The following UTRN variants were observed in gnomAD, a reference collection of about 807,000 sequenced individuals.
UTRN encodes the protein dystrophin-related protein 1.
Under a neutral mutation model 463.9 loss-of-function variants are expected in UTRN, and 283 were observed. That is an observed-to-expected ratio of 0.61 (90% CI 0.55 to 0.67). The LOEUF (loss-of-function observed/expected upper bound fraction) is 0.67, where lower values mean the gene tolerates loss of function less well. Ranked by LOEUF, UTRN falls within the 30% of genes least tolerant of loss-of-function variation. The pLI is 0.00. For synonymous variants in UTRN, 1,442 were observed against 1,431.5 expected, an observed-to-expected ratio of 1.01 and a Z score of -0.17; for missense variants, 3,922 against 4,084.3, an observed-to-expected ratio of 0.96 and a Z score of 1.08.
At chr6:144,720,756 G>A (rs552167891) in intron 53 of UTRN, among the ~76,000 whole-genome samples, 9 of 152,150 alleles carry the variant, frequency 5.9e-5, no homozygotes, top group South Asian at 4.2e-4. Flanking sequence ...CACAGCTCAT[G>A]TGTGTTTGAG....
chr6:144,726,733 C>G (rs958584253), intron 53 of UTRN, among the ~76,000 whole-genome samples: 2 of 152,084 alleles, frequency 1.3e-5, no homozygotes, highest in Admixed American at 1.3e-4. Context: ...GCCTCACCTT[C>G]TAGACAGCCT....
chr6:144,326,306 GT>G (rs887254864), intron 2 of UTRN, among the ~76,000 whole-genome samples: 37 of 144,532 alleles, frequency 2.6e-4, no homozygotes, highest in Admixed American at 5.5e-4. Context: ...TGGTCCCTTA[GT>G]TTTTTTTTTT....
chr6:144,323,622 A>G (rs1025990592), intron 2 of UTRN, among the ~76,000 whole-genome samples: 4 of 152,248 alleles, frequency 2.6e-5, no homozygotes, highest in Non-Finnish European at 5.9e-5. Flanking sequence ...TTTAAAGAAA[A>G]TAAAAGAACA....
chr6:144,666,775 T>C (rs1780438166), intron 51 of UTRN, among the ~76,000 whole-genome samples: 1 of 152,192 alleles, frequency 6.6e-6, no homozygotes, highest in South Asian at 2.1e-4. Context: ...GAACATATGA[T>C]CACTGGTAGC....
At chr6:144,537,500 C>A in intron 43 of UTRN, 82 bp from the exon 44 acceptor site, 1 of 960,680 alleles carries the variant, frequency 1.0e-6, no homozygotes, top group Non-Finnish European at 1.4e-6. Context: ...AATATTTAGT[C>A]AGGATATTCA....
intron 51 of UTRN, among the ~76,000 whole-genome samples, chr6:144,647,134 T>C (rs547906691): frequency 6.6e-6 from 1 of 152,300 alleles, no homozygotes; most frequent in South Asian, 2.1e-4. Context: ...TGGTATTTGT[T>C]TTCTCCTGTC....
rs115190750 is a variant in UTRN at position 144,730,441 on chromosome 6, A to G, written c.7894A>G (p.Ile2632Val). 203 of 1,611,402 alleles carry G rather than the reference A, an allele frequency of 1.3e-4. 1 individual carries two copies. The East Asian group carries it at 2.5e-3, about 20-fold the overall frequency. The change falls in exon 54 of 75, where the codon ATT (isoleucine) becomes GTT (valine). Residue 2632 changes from isoleucine (I) to valine (V), a missense_variant. Physicochemically the swap from Ile to Val is conservative, Grantham distance 29. Transcript: ENST00000367545. ...CCGAGTTTTCTTGGCTGATCAGCCA[A>G]TTGAGGCCCCTGAAGAGCCAAGAAG... ...QARVFLADQP[I>V]EAPEEPRRNL... is the part of the protein sequence containing the mutation.
At chr6:144,564,861 A>G (rs1425987198) in intron 50 of UTRN, among the ~76,000 whole-genome samples, 1 of 152,232 alleles carries the variant, frequency 6.6e-6, no homozygotes, top group Non-Finnish European at 1.5e-5. Flanking sequence ...TAATCATATC[A>G]CATGGGAAGG....
intron 2 of UTRN, among the ~76,000 whole-genome samples, chr6:144,393,765 C>T (rs1782152033): frequency 6.6e-6 from 1 of 152,152 alleles, no homozygotes; most frequent in South Asian, 2.1e-4. Flanking sequence ...AGAGTCTTTG[C>T]TCCAATGATT....
At chr6:144,374,717 C>T (rs1317915437) in intron 2 of UTRN, among the ~76,000 whole-genome samples, 1 of 151,212 alleles carries the variant, frequency 6.6e-6, no homozygotes, top group Non-Finnish European at 1.5e-5. Context: ...CTCCTGACCT[C>T]GGGATCCGCC....
intron 31 of UTRN, 122 bp from the exon 32 acceptor site, chr6:144,490,807 A>G (rs1792987078): frequency 8.9e-7 from 1 of 1,126,636 alleles, no homozygotes; most frequent in Non-Finnish European, 1.2e-6. Flanking sequence ...ATTTTGGGTC[A>G]TATTTCTGAA....
Position 144,797,637 on chromosome 6 carries a change from T to G in UTRN, c.9079-187T>G, listed in dbSNP as rs542936023. The G allele has an allele frequency of 2.3e-5, 12 of 514,484 alleles. No homozygotes were observed. In the African/African-American group the frequency reaches 2.4e-4, roughly 10 times the overall value. 31.9% of individuals were successfully genotyped at this position (514,484 alleles called of 1,614,324 possible). On this transcript the variant is annotated intron_variant, in intron 63 of 74. Transcript: ENST00000367545. ...CTTCCTATGTGACAATTTCTGCTTT[T>G]TCTACTCATAAGTTCTAGAATTTTC... is the stretch of plus-strand genomic sequence containing the variant.
intron 2 of UTRN, among the ~76,000 whole-genome samples, chr6:144,355,399 A>G (rs1000413567): frequency 6.6e-6 from 1 of 151,942 alleles, no homozygotes; most frequent in Non-Finnish European, 1.5e-5. Flanking sequence ...GGGACTCCCT[A>G]TGCTTCTCAG....
At chr6:144,439,948 C>T (rs1032490331) in intron 12 of UTRN, among the ~76,000 whole-genome samples, 3 of 152,186 alleles carry the variant, frequency 2.0e-5, no homozygotes, top group Non-Finnish European at 4.4e-5. Context: ...TTCTACTTAT[C>T]TCTTTATACT....
At chr6:144,679,909 T>C (rs186000839) in intron 52 of UTRN, among the ~76,000 whole-genome samples, 2 of 152,172 alleles carry the variant, frequency 1.3e-5, no homozygotes, top group East Asian at 3.9e-4. Context: ...AAGTTCCCAT[T>C]GGGAAATACA....
chr6:144,521,065 C>T (rs1031836660), intron 39 of UTRN, among the ~76,000 whole-genome samples: 1 of 151,980 alleles, frequency 6.6e-6, no homozygotes, highest in African/African-American at 2.4e-5. Flanking sequence ...GTCAGCTGAT[C>T]ACTTGAGGTT....
At chr6:144,515,734 T>G (rs1795557778) in intron 37 of UTRN, among the ~76,000 whole-genome samples, 1 of 152,238 alleles carries the variant, frequency 6.6e-6, no homozygotes, top group Non-Finnish European at 1.5e-5. Flanking sequence ...TATAAAATTT[T>G]TCTACGTAGA....
At chr6:144,672,543 A>G (rs905900967) in intron 51 of UTRN, among the ~76,000 whole-genome samples, 3 of 151,840 alleles carry the variant, frequency 2.0e-5, no homozygotes, top group Admixed American at 1.3e-4. Flanking sequence ...GAGCTCATTT[A>G]TATCCTCTCT....
At position 144,454,724 on chromosome 6, in the gene UTRN, G is replaced by A. The variant is rs193031709; in HGVS notation, c.2284+855G>A. ...TTCCTTGTATCAGTTACCTAGTTTA[G>A]TAATTGACAATATTCTGCCATTCTT... On this transcript the variant is annotated intron_variant, in intron 19 of 74. Coordinates refer to ENST00000367545, the MANE Select transcript of UTRN (RefSeq NM_007124.3). 5.3e-3 allele frequency among the ~76,000 whole-genome samples: 800 copies of A among 152,220 alleles called. 5 individuals carry two copies. The highest frequency in any genetic ancestry group is 0.019 in the African/African-American group (774 of 41,532).
Sources: allele counts gnomAD v4.1 joint callset (sites outside exome capture counted in the v4.1 genomes callset), GRCh38; gene constraint gnomAD v4.1.1; transcripts MANE v1.5; gene names NCBI Gene and HGNC (gene_info 2026-07-23, HGNC 2026-07-21).